Variants in C1orf21 observed in about 807,000 individuals in gnomAD.
C1orf21 encodes uncharacterized protein C1orf21.
C1orf21 carries 3 observed loss-of-function variants against 18.7 expected under a neutral mutation model. The ratio of observed to expected loss-of-function variants is 0.16; its 90% CI spans 0.07 to 0.42. The LOEUF is 0.42. Ranked by LOEUF, C1orf21 falls within the 10% of genes least tolerant of loss-of-function variation. C1orf21 has a pLI of 0.99. For synonymous variants in C1orf21, 41 were observed against 46.4 expected (o/e 0.88, Z 0.47); for missense variants, 104 against 143.6 (o/e 0.72, Z 1.41).
chr1:184,446,799 T>C (rs951979842), intron 1 of C1orf21, among the ~76,000 whole-genome samples: 4 of 151,148 alleles, frequency 2.6e-5, no homozygotes, highest in African/African-American at 9.7e-5. Flanking sequence ...TAAGGACTTA[T>C]TGTTAATTTT....
intron 3 of C1orf21, among the ~76,000 whole-genome samples, chr1:184,531,006 A>C (rs1367896166): frequency 1.3e-5 from 2 of 151,772 alleles, no homozygotes; most frequent in South Asian, 4.1e-4. Flanking sequence ...CTATACTCCC[A>C]CTCTCCTGTT....
chr1:184,510,129 A>G (rs1182478323), intron 3 of C1orf21, among the ~76,000 whole-genome samples: 1 of 152,160 alleles, frequency 6.6e-6, no homozygotes, highest in Non-Finnish European at 1.5e-5. Context: ...TTTTTGCTTT[A>G]TGTTACTTGG....
At chr1:184,570,388 T>A (rs1228787852) in intron 3 of C1orf21, among the ~76,000 whole-genome samples, 1 of 152,198 alleles carries the variant, frequency 6.6e-6, no homozygotes, top group Non-Finnish European at 1.5e-5. Context: ...TGTAATGTTG[T>A]TTAAATTATC....
At chr1:184,458,760 C>T (rs1657258359) in intron 1 of C1orf21, among the ~76,000 whole-genome samples, 1 of 152,190 alleles carries the variant, frequency 6.6e-6, no homozygotes, top group South Asian at 2.1e-4. Context: ...AAAAAGCAAA[C>T]TTAGACTAAT....
At chr1:184,616,556 G>T (rs549125879) in intron 5 of C1orf21, among the ~76,000 whole-genome samples, 1 of 152,312 alleles carries the variant, frequency 6.6e-6, no homozygotes, top group South Asian at 2.1e-4. Context: ...CAAAAGGTGG[G>T]GTTGGGGAGC....
chr1:184,480,666 G>A (rs192939611), intron 2 of C1orf21, among the ~76,000 whole-genome samples: 1 of 152,300 alleles, frequency 6.6e-6, no homozygotes, highest in Admixed American at 6.5e-5. Context: ...GCGAGGTCTG[G>A]CATAAAGAAA....
chr1:184,498,034 G>T (rs1321953258), intron 2 of C1orf21, among the ~76,000 whole-genome samples: 9 of 152,038 alleles, frequency 5.9e-5, no homozygotes. Context: ...TGGGCTTTCA[G>T]TGCCTCGCTG....
At chr1:184,594,839 C>T (rs539679581) in intron 4 of C1orf21, among the ~76,000 whole-genome samples, 2 of 152,348 alleles carry the variant, frequency 1.3e-5, no homozygotes, top group South Asian at 4.1e-4. Flanking sequence ...ACTTTGCCTT[C>T]TCATACTTTG....
chr1:184,526,934 G>A (rs998646224), intron 3 of C1orf21, among the ~76,000 whole-genome samples: 1 of 152,182 alleles, frequency 6.6e-6, no homozygotes, highest in African/African-American at 2.4e-5. Flanking sequence ...TGTCTAAGAA[G>A]GAGGAGGCAA....
chr1:184,598,888 A>T (rs1485465789), intron 5 of C1orf21, among the ~76,000 whole-genome samples: 1 of 152,194 alleles, frequency 6.6e-6, no homozygotes, highest in African/African-American at 2.4e-5. Context: ...TTCAATTTAT[A>T]CTTAGGAAAA....
chr1:184,507,827 C>T, intron 3 of C1orf21, 145 bp downstream of exon 3: 3 of 628,020 alleles, frequency 4.8e-6, no homozygotes, highest in Non-Finnish European at 8.1e-6. Context: ...CTGGAAGCTG[C>T]ACCATTACTC....
intron 3 of C1orf21, among the ~76,000 whole-genome samples, chr1:184,524,034 T>C (rs928744220): frequency 6.6e-6 from 1 of 152,152 alleles, no homozygotes; most frequent in African/African-American, 2.4e-5. Flanking sequence ...CTACAGGTAA[T>C]TTTACAAGTT....
intron 5 of C1orf21, among the ~76,000 whole-genome samples, chr1:184,603,549 C>G (rs963837877): frequency 2.6e-5 from 4 of 152,238 alleles, no homozygotes; most frequent in Admixed American, 6.5e-5. Flanking sequence ...AATCCCAACA[C>G]TTTGGGAGGC....
chr1:184,472,736 A>G (rs1294292687), intron 1 of C1orf21, among the ~76,000 whole-genome samples: 1 of 152,222 alleles, frequency 6.6e-6, no homozygotes, highest in Non-Finnish European at 1.5e-5. Context: ...TCCTTATAAA[A>G]GGACAAGGTA....
At chr1:184,581,667 A>G (rs1217250612) in intron 3 of C1orf21, among the ~76,000 whole-genome samples, 1 of 152,106 alleles carries the variant, frequency 6.6e-6, no homozygotes, top group Non-Finnish European at 1.5e-5. Context: ...AATTATTGAC[A>G]TGGTGACTTA....
At chr1:184,400,336 A>G (rs754505367) in intron 1 of C1orf21, among the ~76,000 whole-genome samples, 7 of 152,100 alleles carry the variant, frequency 4.6e-5, no homozygotes, top group Non-Finnish European at 8.8e-5. Context: ...AGGCCTTTTC[A>G]GTGGACAGAG....
intron 2 of C1orf21, among the ~76,000 whole-genome samples, chr1:184,480,324 G>A (rs1351211829): frequency 6.6e-6 from 1 of 152,184 alleles, no homozygotes; most frequent in African/African-American, 2.4e-5. Flanking sequence ...AACTATAAAT[G>A]GGACAGAATT....
intron 3 of C1orf21, among the ~76,000 whole-genome samples, chr1:184,509,973 T>C (rs1456866748): frequency 6.6e-6 from 1 of 152,190 alleles, no homozygotes; most frequent in Non-Finnish European, 1.5e-5. Context: ...CAGTGCCTCA[T>C]AGTCCTGTTG....
At chr1:184,534,279 A>C (rs1459963563) in intron 3 of C1orf21, among the ~76,000 whole-genome samples, 1 of 152,228 alleles carries the variant, frequency 6.6e-6, no homozygotes, top group Non-Finnish European at 1.5e-5. Context: ...AGGGAAAAAG[A>C]AAAGCTCAGA....
Sources: gnomAD v4.1 joint callset for allele counts (sites outside exome capture counted in the v4.1 genomes callset) on GRCh38, gnomAD v4.1.1 for gene constraint, MANE v1.5 for transcripts, NCBI Gene and HGNC (gene_info 2026-07-23, HGNC 2026-07-21) for gene names.